Variants in GSR observed in about 807,000 individuals in gnomAD.
GSR encodes the protein glutathione reductase, mitochondrial.
In GSR, 48 loss-of-function variants were observed where a neutral mutation model predicts 56.5. That is an observed-to-expected ratio of 0.85 (90% confidence interval 0.67 to 1.08). The LOEUF (loss-of-function observed/expected upper bound fraction) is 1.08. GSR is among the 50% of genes least tolerant of loss of function. The pLI is 0.00. For missense variants in GSR, 694 were observed against 703.3 expected, an observed-to-expected ratio of 0.99 and a Z score of 0.15; for synonymous variants, 264 against 270.8, an observed-to-expected ratio of 0.97 and a Z score of 0.25.
intron 10 of GSR, among the ~76,000 whole-genome samples, chr8:30,683,614 C>T (rs752479285): frequency 3.3e-5 from 5 of 151,904 alleles, no homozygotes; most frequent in Admixed American, 6.6e-5. Flanking sequence ...TGGTAAAACC[C>T]TGTCTCTACA....
Position 30,727,718 on chromosome 8 carries a change from G to T in GSR, c.118C>A (p.Leu40Ile). Residue 40 changes from leucine to isoleucine, a missense_variant, in exon 1 of 13, where the codon CTC (leucine) becomes ATC (isoleucine). Coordinates refer to ENST00000221130, the MANE Select transcript of GSR (RefSeq NM_000637.5). ...TGCCTGCAGGCCATGGCACGGGAGA[G>T]GGCGCGCGTGAGGGCCGCGGGCTCG... ...LPEPAALTRA[L>I]SRAMACRQEP... The T allele has an allele frequency of 1.4e-6, 2 of 1,411,402 alleles. No homozygotes were observed. Among genetic ancestry groups the T allele is most frequent in the Middle Eastern group, 2.5e-4 (1 of 4,038 alleles). 87.4% of individuals were successfully genotyped at this position (1,411,402 alleles called of 1,614,324 possible). A position where few individuals can be genotyped will look rare whatever the true frequency, so the allele number is the denominator to read the frequency against.
chr8:30,679,377 T>C lies in GSR; in HGVS notation c.*143A>G. Reference sequence around the variant, plus strand: ...TTCTAACTCCATAAATAAGTTCTATTATGTACTAAAAATTTCCACTATCAG... The same window carrying C: ...TTCTAACTCCATAAATAAGTTCTATCATGTACTAAAAATTTCCACTATCAG... On this transcript the variant is annotated 3_prime_UTR_variant, in exon 13 of 13. Coordinates refer to ENST00000221130, the MANE Select transcript of GSR (RefSeq NM_000637.5). 1.3e-6 allele frequency: 1 copy of C among 775,474 alleles called. No homozygotes were observed. Among genetic ancestry groups the C allele is most frequent in the African/African-American group, 1.7e-5 (1 of 58,148 alleles). 48.0% of individuals were successfully genotyped at this position (775,474 alleles called of 1,614,324 possible).
chr8:30,725,217 C>G (rs1372217498), intron 1 of GSR, among the ~76,000 whole-genome samples: 1 of 151,596 alleles, frequency 6.6e-6, no homozygotes, highest in Non-Finnish European at 1.5e-5. Flanking sequence ...CCAAGGCAGG[C>G]CGACTGCTTA....
intron 7 of GSR, among the ~76,000 whole-genome samples, chr8:30,694,583 C>T (rs1231277839): frequency 6.6e-6 from 1 of 152,016 alleles, no homozygotes. Context: ...AGCTTGAGGC[C>T]AGGAGTTCGA....
intron 9 of GSR, among the ~76,000 whole-genome samples, chr8:30,688,794 A>C (rs1803255432): frequency 6.6e-6 from 1 of 151,738 alleles, no homozygotes; most frequent in South Asian, 2.1e-4. Context: ...GCATTGTGGC[A>C]CACACATAGT....
chr8:30,681,629 T>C (rs1166382417), intron 11 of GSR, among the ~76,000 whole-genome samples: 3 of 150,956 alleles, frequency 2.0e-5, no homozygotes, highest in Non-Finnish European at 3.0e-5. Context: ...AAAGCAAAAA[T>C]ATTAAGGTTA....
In GSR at chr8:30,689,183, T is replaced by G; in HGVS notation, c.1019A>C (p.Lys340Thr). 6.2e-7 allele frequency: 1 copy of G among 1,614,078 alleles called. No individual in the cohort carries two copies. Among genetic ancestry groups the G allele is most frequent in the South Asian group, 1.1e-5 (1 of 91,080 alleles). The change falls in exon 9 of 13, where the codon AAG becomes ACG. Residue 340 changes from lysine (K) to threonine (T), a missense_variant. Transcript: ENST00000221130. ...TACCAGTTTGTTTAAACTCAGGTCC[T>G]TGGTATTCGGGACCCGCCCAATGGC... ...LWAIGRVPNT[K>T]DLSLNKLGIQ...
At chr8:30,690,205 T>C (rs2128740430) in intron 8 of GSR, among the ~76,000 whole-genome samples, 1 of 150,496 alleles carries the variant, frequency 6.6e-6, no homozygotes, top group East Asian at 1.9e-4. Context: ...AGAGACAGGG[T>C]CTTGCTCTGT....
intron 12 of GSR, among the ~76,000 whole-genome samples, chr8:30,680,381 G>GTTTTGTTTTTTTTTTT (rs1480095900): frequency 6.0e-5 from 2 of 33,378 alleles, no homozygotes; most frequent in African/African-American, 9.5e-5. Flanking sequence ...GGCCTCTCCT[G>GTTTTGTTTTTTTTTTT]TTTTTTTTTT....
intron 1 of GSR, among the ~76,000 whole-genome samples, chr8:30,720,786 T>C (rs1804507903): frequency 6.6e-6 from 1 of 152,176 alleles, no homozygotes; most frequent in South Asian, 2.1e-4. Context: ...AGCAGAACAT[T>C]AACCTGAACC....
rs754732491 is a variant in GSR, at chr8:30,682,028, C to T, written c.1187G>A (p.Arg396Gln). The change falls in exon 11 of 13, where the codon CGA becomes CAA. Residue 396 changes from arginine (R) to glutamine (Q), a missense_variant. Coordinates refer to ENST00000221130, the MANE Select transcript of GSR (RefSeq NM_000637.5). ...AIAAGRKLAH[R>Q]LFEYKEDSKL... The stretch of plus-strand genomic sequence containing the variant: ...GGAATCTTCCTTATATTCAAAAAGT[C>T]GATGGGCAAGTTTTCGGCCAGCAGC... 14 of 1,613,180 alleles carry T rather than the reference C, an allele frequency of 8.7e-6. No individual in the cohort carries two copies. The highest frequency in any genetic ancestry group is 9.3e-6 in the Non-Finnish European group (11 of 1,179,306).
intron 5 of GSR, among the ~76,000 whole-genome samples, chr8:30,700,456 TCA>T (rs1803691885): frequency 1.3e-5 from 2 of 152,064 alleles, no homozygotes; most frequent in African/African-American, 2.4e-5. Flanking sequence ...ACCCTGGGGC[TCA>T]GCTCATTACA....
In GSR at chr8:30,689,255, C is replaced by T; in HGVS notation, c.947G>A (p.Arg316Lys). The part of the protein sequence containing the change: ...EVSMVTAVPG[R>K]LPVMTMIPDV... ...TGGAATCATGGTCATGACTGGTAGC[C>T]TACCGGGAACTGCAGTAACCATGCT... Residue 316 changes from arginine to lysine, a missense_variant, in exon 9 of 13, where the codon AGG becomes AAG. Physicochemically the swap from Arg to Lys is conservative, Grantham distance 26 (BLOSUM62 2). Transcript: ENST00000221130. The T allele has an allele frequency of 6.2e-7, 1 of 1,613,856 alleles. No individual in the cohort carries two copies. Among genetic ancestry groups the T allele is most frequent in the African/African-American group, 1.3e-5 (1 of 75,048 alleles).
chr8:30,712,598 T>A (rs1285905897), intron 1 of GSR, among the ~76,000 whole-genome samples: 1 of 152,014 alleles, frequency 6.6e-6, no homozygotes, highest in Non-Finnish European at 1.5e-5. Context: ...CCTTTGAGCC[T>A]GGAAAGACAA....
At chr8:30,718,110 A>AT (rs1804399312) in intron 1 of GSR, among the ~76,000 whole-genome samples, 4 of 104,074 alleles carry the variant, frequency 3.8e-5, no homozygotes, top group East Asian at 3.1e-4. Flanking sequence ...TCAAAAAAAT[A>AT]AAAATAAATA....
intron 12 of GSR, 104 bp downstream of exon 12, chr8:30,680,800 C>T: frequency 9.8e-7 from 1 of 1,015,756 alleles, no homozygotes; most frequent in South Asian, 1.3e-5. Context: ...CCAGTTGAAT[C>T]AGAAGGCTCA....
chr8:30,710,411 C>G (rs1241037481), intron 2 of GSR, among the ~76,000 whole-genome samples: 1 of 150,710 alleles, frequency 6.6e-6, no homozygotes, highest in Non-Finnish European at 1.5e-5. Flanking sequence ...CTATTAAAAA[C>G]AGACTAAAAA....
In GSR at chr8:30,684,210, A is replaced by G. The variant is rs773733739; in HGVS notation, c.1042-11T>C. 1.8e-5 allele frequency: 26 copies of G among 1,475,808 alleles called. No homozygotes were observed. The highest frequency in any genetic ancestry group is 2.3e-5 in the Non-Finnish European group (24 of 1,053,846). 91.4% of individuals were successfully genotyped at this position (1,475,808 alleles called of 1,614,324 possible). A position where few individuals can be genotyped will look rare whatever the true frequency, so the allele number is the denominator to read the frequency against. On this transcript the variant is annotated splice_polypyrimidine_tract_variant and intron_variant, in intron 9 of 12. Transcript: ENST00000221130. Reference sequence around the variant, plus strand: ...ATCGGTTTGAATCCCCTAAAATTACAAAGAGATATCATGTAACCACTTGGC... The same window carrying G: ...ATCGGTTTGAATCCCCTAAAATTACGAAGAGATATCATGTAACCACTTGGC...
intron 2 of GSR, among the ~76,000 whole-genome samples, chr8:30,711,096 G>T (rs1804127490): frequency 6.6e-6 from 1 of 152,102 alleles, no homozygotes; most frequent in Non-Finnish European, 1.5e-5. Flanking sequence ...AAGACAGAAA[G>T]AAAAACACCT....
Sources: allele counts gnomAD v4.1 joint callset (sites outside exome capture counted in the v4.1 genomes callset), GRCh38; gene constraint gnomAD v4.1.1; transcripts MANE v1.5; gene names NCBI Gene and HGNC (gene_info 2026-07-23, HGNC 2026-07-21).